DCP1A: variants seen among roughly 807,000 people sequenced by gnomAD.
DCP1A encodes the protein mRNA-decapping enzyme 1A.
In DCP1A, 20 loss-of-function variants were observed where a neutral mutation model predicts 58.0. The ratio of observed to expected loss-of-function variants is 0.34; its 90% CI spans 0.24 to 0.50. The LOEUF is 0.50. Among genes scored for constraint, DCP1A ranks in the 20% least tolerant of loss-of-function variants. DCP1A has a pLI of 0.98. For missense variants in DCP1A, 613 were observed against 712.2 expected (o/e 0.86, Z 1.59); for synonymous variants, 285 against 275.1 (o/e 1.04, Z -0.36).
chr3:53,323,671 G>C (rs1708034202), intron 3 of DCP1A, among the ~76,000 whole-genome samples: 2 of 152,010 alleles, frequency 1.3e-5, no homozygotes, highest in East Asian at 3.9e-4. Flanking sequence ...AGACCAGCCT[G>C]GCCAACATGG....
At chr3:53,342,697 AC>A (rs1293483972) in intron 2 of DCP1A, among the ~76,000 whole-genome samples, 6 of 152,132 alleles carry the variant, frequency 3.9e-5, no homozygotes, top group African/African-American at 1.4e-4. Flanking sequence ...TTCAGATGTC[AC>A]CTTTTTCATG....
intron 3 of DCP1A, among the ~76,000 whole-genome samples, chr3:53,326,978 C>G (rs1406901275): frequency 1.9e-5 from 2 of 107,740 alleles, no homozygotes; most frequent in Middle Eastern, 4.6e-3. Flanking sequence ...CATGTCCAAC[C>G]CCCCCCCCCC....
intron 6 of DCP1A, among the ~76,000 whole-genome samples, chr3:53,294,637 G>A (rs192753268): frequency 3.9e-4 from 60 of 152,348 alleles, no homozygotes; most frequent in Non-Finnish European, 7.1e-4. Context: ...ACACAGCTGT[G>A]ATGTCCTATC....
At chr3:53,314,185 C>A (rs1356894730) in intron 4 of DCP1A, among the ~76,000 whole-genome samples, 1 of 152,188 alleles carries the variant, frequency 6.6e-6, no homozygotes, top group Non-Finnish European at 1.5e-5. Flanking sequence ...TGAGCCACCA[C>A]AACTGGCCAG....
intron 3 of DCP1A, among the ~76,000 whole-genome samples, chr3:53,339,457 C>T (rs932393438): frequency 2.4e-4 from 36 of 152,278 alleles, no homozygotes; most frequent in African/African-American, 8.7e-4. Flanking sequence ...AACAATTTAA[C>T]CTATGATACT....
intron 3 of DCP1A, among the ~76,000 whole-genome samples, chr3:53,326,813 A>G (rs1708115249): frequency 6.6e-6 from 1 of 152,228 alleles, no homozygotes; most frequent in South Asian, 2.1e-4. Context: ...ACCTATAGAA[A>G]TAAAGTACAC....
intron 3 of DCP1A, among the ~76,000 whole-genome samples, chr3:53,336,373 T>C (rs1381252424): frequency 2.0e-5 from 3 of 152,106 alleles, no homozygotes; most frequent in Non-Finnish European, 2.9e-5. Context: ...TCCCAAAGTG[T>C]TGGGATTTCA....
At chr3:53,290,412 G>A (rs529518766) in intron 8 of DCP1A, among the ~76,000 whole-genome samples, 1 of 149,328 alleles carries the variant, frequency 6.7e-6, no homozygotes, top group African/African-American at 2.5e-5. Context: ...AGGGCCCACC[G>A]TGCCCTCTAC....
Position 53,292,688 on chromosome 3 carries a change from T to A in DCP1A, c.764A>T (p.Asn255Ile), listed in dbSNP as rs781966543. 2 of 1,613,768 alleles carry A rather than the reference T, an allele frequency of 1.2e-6. No individual in the cohort carries two copies. The highest frequency in any genetic ancestry group is 1.7e-5 in the Admixed American group (1 of 59,964). ...LPGDASQKEP[N>I]SFLPFPFEQL... ...CTCAAAGGGAAATGGTAGGAATGAA[T>A]TGGGCTCTTTCTGGGAGGCATCTCC... Residue 255 changes from asparagine to isoleucine, a missense_variant, in exon 7 of 10, where the codon AAT becomes ATT. This residue lies in a region of DCP1A where 498 missense variants were observed against 556.7 expected (regional missense o/e 0.89). Transcript: ENST00000610213.
rs9628 is a variant in DCP1A, at chr3:53,287,613, A to C, written c.1716T>G (p.Val572=). The C allele has an allele frequency of 0.4, 638,553 of 1,606,612 alleles. 130,422 individuals are homozygous for C. Among genetic ancestry groups the C allele is most frequent in the Middle Eastern group, 0.49 (2,955 of 6,046 alleles). Residue 572 remains valine (V), a synonymous_variant, in exon 10 of 10, where the codon GTT becomes GTG. Coordinates refer to ENST00000610213, the MANE Select transcript of DCP1A (RefSeq NM_018403.7). The part of the protein sequence containing the change: ...LSTLHEVYLQ[V]LTKNKDNHNL ...TGTGGTTGTCTTTGTTCTTGGTCAG[A>C]ACCTGCAAGTAGACTTCATGAAGTG...
chr3:53,284,674 G>A lies in DCP1A; in HGVS notation c.*2906C>T. 1 of 151,806 alleles carries A rather than the reference G, an allele frequency of 6.6e-6. No individual in the cohort carries two copies. The highest frequency in any genetic ancestry group is 1.5e-5 in the Non-Finnish European group (1 of 68,160). The allele number at this position is 151,806 out of a possible 1,614,324, so 9.4% of individuals were successfully genotyped here. On this transcript the variant is annotated 3_prime_UTR_variant, in exon 10 of 10. Transcript: ENST00000610213. Reference sequence around the variant, plus strand: ...GCCTCAGCCTCCTAAGTAGCTGGGAGTATAGGCGCGTGCCACCACGCCCGG... The same window carrying A: ...GCCTCAGCCTCCTAAGTAGCTGGGAATATAGGCGCGTGCCACCACGCCCGG...
intron 4 of DCP1A, among the ~76,000 whole-genome samples, chr3:53,315,744 G>GTTTTT (rs797040721): frequency 0.011 from 1,081 of 95,372 alleles, 152 homozygotes; most frequent in African/African-American, 0.019. Context: ...TCAGTTTGTT[G>GTTTTT]TTTTTTTTTT....
At chr3:53,336,349 C>T (rs1293547167) in intron 3 of DCP1A, among the ~76,000 whole-genome samples, 3 of 150,982 alleles carry the variant, frequency 2.0e-5, no homozygotes, top group Non-Finnish European at 4.4e-5. Context: ...TCAGGTGATC[C>T]ACCTGCCTCG....
rs375532510 is a variant in DCP1A at position 53,292,187 on chromosome 3, G to C, written c.1265C>G (p.Ser422Cys). 52 of 1,613,884 alleles carry C rather than the reference G, an allele frequency of 3.2e-5. No individual in the cohort carries two copies. Among genetic ancestry groups the C allele is most frequent in the Non-Finnish European group, 4.2e-5 (49 of 1,179,906 alleles). Residue 422 changes from serine (S) to cysteine (C), a missense_variant, in exon 7 of 10, where the codon TCT becomes TGT. By Grantham distance (112) the Ser-to-Cys change is moderately radical. Coordinates refer to ENST00000610213, the MANE Select transcript of DCP1A (RefSeq NM_018403.7). ...TGTGGCTAGCTGACCAGCTGCCGGA[G>C]AAAAGCTGGCTACCATTGCACCTTT... Reference protein sequence around the residue: ...LGKGAMVASFSPAAGQLATPE... With the variant: ...LGKGAMVASFCPAAGQLATPE...
At chr3:53,298,921 A>G (rs945136142) in intron 6 of DCP1A, among the ~76,000 whole-genome samples, 9 of 152,250 alleles carry the variant, frequency 5.9e-5, no homozygotes, top group Admixed American at 3.3e-4. Context: ...ACAAGTGCCT[A>G]TAATACGCAG....
Position 53,312,112 on chromosome 3 carries a change from G to A in DCP1A, c.510+129C>T, listed in dbSNP as rs1048760743. On this transcript the variant is annotated intron_variant, in intron 5 of 9. Coordinates refer to ENST00000610213, the MANE Select transcript of DCP1A (RefSeq NM_018403.7). ...ACTGATTACAGGAGTGTGCTAACAC[G>A]CTCTCTTTTTGAACTTATATTTCTG... 42 of 1,018,334 alleles carry A rather than the reference G, an allele frequency of 4.1e-5. No homozygotes were observed. In the Middle Eastern group the frequency reaches 1.4e-3, roughly 33 times the overall value. The allele number at this position is 1,018,334 out of a possible 1,614,324, so 63.1% of individuals were successfully genotyped here.
chr3:53,312,076 A>C (rs1707661530), intron 5 of DCP1A, among the ~76,000 whole-genome samples, 165 bp downstream of exon 5: 1 of 152,012 alleles, frequency 6.6e-6, no homozygotes, highest in African/African-American at 2.4e-5. Flanking sequence ...TCAGCCTGCC[A>C]AGTAGCTGGG....
At chr3:53,304,379 T>C (rs1707405120) in intron 5 of DCP1A, 89 bp from the exon 6 acceptor site, 1 of 878,632 alleles carries the variant, frequency 1.1e-6, no homozygotes, top group African/African-American at 1.7e-5. Context: ...TTATCAAAAA[T>C]GTTATTTTTT....
rs1553686110 is a variant in DCP1A at position 53,292,226 on chromosome 3, G to A, written c.1226C>T (p.Thr409Ile). The change falls in exon 7 of 10, where the codon ACA (threonine) becomes ATA (isoleucine). Residue 409 changes from threonine to isoleucine, a missense_variant. Physicochemically the swap from Thr to Ile is moderately conservative, Grantham distance 89. Transcript: ENST00000610213. ...CATTGCACCTTTCCCAAGTGGTTGT[G>A]TCTGTATTTGGTCATGCTGTGGGGT... ...RLTPQHDQIQ[T>I]QPLGKGAMVA... 2 of 1,613,904 alleles carry A rather than the reference G, an allele frequency of 1.2e-6. No individual in the cohort carries two copies. Among genetic ancestry groups the A allele is most frequent in the African/African-American group, 1.3e-5 (1 of 74,926 alleles).
Sources: gnomAD v4.1 joint callset for allele counts (sites outside exome capture counted in the v4.1 genomes callset) on GRCh38, gnomAD v4.1.1 for gene constraint, gnomAD v4.1.1 regional missense constraint, MANE v1.5 for transcripts, NCBI Gene and HGNC (gene_info 2026-07-23, HGNC 2026-07-21) for gene names.